Variants in PKD1 observed in about 807,000 individuals in gnomAD.
PKD1 encodes the protein polycystin-1.
In PKD1, 81 loss-of-function variants were observed where a neutral mutation model predicts 361.7. The ratio of observed to expected loss-of-function variants is 0.22; its 90% CI spans 0.19 to 0.27. The LOEUF is 0.27. PKD1 is among the 10% of genes least tolerant of loss of function. The pLI is 1.00. For synonymous variants in PKD1, 3,615 were observed against 2,818.3 expected, an observed-to-expected ratio of 1.28 and a Z score of -8.95; for missense variants, 6,399 against 6,118.3, an observed-to-expected ratio of 1.05 and a Z score of -1.53.
rs142888788 is a variant in PKD1 at position 2,103,527 on chromosome 16, C to T, written c.8530G>A (p.Val2844Ile). ...GCCATCGAGGCCACCTTGGTGGAGA[C>T]GGTGTAGTTGCTGATATAGCCAAAG... ...FPFGYISNYT[V>I]STKVASMAFQ... Residue 2844 changes from valine (V) to isoleucine (I), a missense_variant, in exon 23 of 46, where the codon GTC (valine) becomes ATC (isoleucine). Physicochemically the swap from Val to Ile is conservative, Grantham distance 29. Coordinates refer to ENST00000262304, the MANE Select transcript of PKD1 (RefSeq NM_001009944.3). 160 of 1,607,338 alleles carry T rather than the reference C, an allele frequency of 1.0e-4. No homozygotes were observed. The highest frequency in any genetic ancestry group is 2.3e-4 in the Middle Eastern group (1 of 4,430).
chr16:2,101,690 G>A (rs1320493997), intron 26 of PKD1, among the ~76,000 whole-genome samples: 3 of 152,282 alleles, frequency 2.0e-5, no homozygotes, highest in South Asian at 2.1e-4. Flanking sequence ...TGGAGGTACT[G>A]AAGAAACAGC....
Position 2,100,791 on chromosome 16 carries a change from T to C in PKD1, c.9398-225A>G. 1 of 583,844 alleles carries C rather than the reference T, an allele frequency of 1.7e-6. No homozygotes were observed. The highest frequency in any genetic ancestry group is 3.1e-6 in the Non-Finnish European group (1 of 325,252). 36.2% of individuals were successfully genotyped at this position (583,844 alleles called of 1,614,324 possible). On this transcript the variant is annotated intron_variant, in intron 26 of 45. Transcript: ENST00000262304. The surrounding 1 kb of genome is among the most constrained non-coding windows in gnomAD (Gnocchi z 4.4). ...TAAGTTACATGGAAAGAACTGTAAC[T>C]TGTGACATGCAAACATGGCTGCACA...
In PKD1 at chr16:2,106,155, A is replaced by C; in HGVS notation, c.7639T>G (p.Phe2547Val). ...AVLPPGFRPH[F>V]EVGLAVVVQD... Reference sequence around the variant, plus strand: ...ACCACCACGGCCAGGCCCACCTCGAAGTGTGGCCTGAAACCCGGGGGCAGC... The same window carrying C: ...ACCACCACGGCCAGGCCCACCTCGACGTGTGGCCTGAAACCCGGGGGCAGC... Residue 2547 changes from phenylalanine to valine, a missense_variant, in exon 19 of 46, where the codon TTC (phenylalanine) becomes GTC (valine). By Grantham distance (50) the Phe-to-Val change is conservative. Transcript: ENST00000262304. The surrounding 1 kb of genome is among the most constrained non-coding windows in gnomAD (Gnocchi z 6.5). The C allele has an allele frequency of 6.2e-7, 1 of 1,608,134 alleles. No individual in the cohort carries two copies. The highest frequency in any genetic ancestry group is 8.5e-7 in the Non-Finnish European group (1 of 1,178,626).
In PKD1 at chr16:2,109,996, G is replaced by A. The variant is rs1052812047; in HGVS notation, c.5171C>T (p.Ala1724Val). 2 of 1,609,814 alleles carry A rather than the reference G, an allele frequency of 1.2e-6. No homozygotes were observed. The highest frequency in any genetic ancestry group is 1.7e-5 in the Admixed American group (1 of 59,926). The change falls in exon 15 of 46, where the codon GCC becomes GTC. Residue 1724 changes from alanine (A) to valine (V), a missense_variant. Physicochemically the swap from Ala to Val is moderately conservative, Grantham distance 64 (BLOSUM62 0). Coordinates refer to ENST00000262304, the MANE Select transcript of PKD1 (RefSeq NM_001009944.3). ...FVEPVGWLMVAASPNPAAVNT... is the reference protein window; with the variant it reads ...FVEPVGWLMVVASPNPAAVNT... ...GACGGCAGCTGGGTTCGGGGAGGCG[G>A]CCACCATCAGCCACCCCACAGGCTC...
At chr16:2,126,119 G>A (rs568274734) in intron 1 of PKD1, among the ~76,000 whole-genome samples, 2 of 152,292 alleles carry the variant, frequency 1.3e-5, no homozygotes, top group East Asian at 3.9e-4. Flanking sequence ...TCACCCACTC[G>A]GCTGTGGGCA....
At position 2,111,130 on chromosome 16, in the gene PKD1, G is replaced by A; in HGVS notation, c.4037C>T (p.Thr1346Ile). The A allele has an allele frequency of 3.1e-6, 5 of 1,611,022 alleles. No homozygotes were observed. The highest frequency in any genetic ancestry group is 1.3e-5 in the African/African-American group (1 of 74,994). Residue 1346 changes from threonine (T) to isoleucine (I), a missense_variant, in exon 15 of 46, where the codon ACA becomes ATA. By Grantham distance (89) the Thr-to-Ile change is moderately conservative. Transcript: ENST00000262304. ...CGTGCCGCTCCGCGTGAAGTTGTGT[G>A]TCACCGTCGGGCACCCCCGCACGGT... is the stretch of plus-strand genomic sequence containing the variant. ...NTTVRGCPTV[T>I]HNFTRSGTFP...
At chr16:2,117,098 A>G in intron 6 of PKD1, 45 bp from the exon 7 acceptor site, 1 of 870,208 alleles carries the variant, frequency 1.1e-6, no homozygotes, top group Non-Finnish European at 1.8e-6. Flanking sequence ...GCACTCCTCC[A>G]TCCTCCCACC....
chr16:2,106,520 T>C lies in PKD1; in HGVS notation c.7367A>G (p.Glu2456Gly), dbSNP rs765888509. The change falls in exon 18 of 46, where the codon GAG (glutamate) becomes GGG (glycine). Residue 2456 changes from glutamate to glycine, a missense_variant. Coordinates refer to ENST00000262304, the MANE Select transcript of PKD1 (RefSeq NM_001009944.3). This position sits in a 1 kb window ranked among gnomAD's most constrained non-coding sequence, Gnocchi z 6.5. The part of the protein sequence containing the change: ...FTLTVLGRSG[E>G]EEGCASIRLS... ...GCGGATGGAGGCGCAGCCCTCCTCC[T>C]CGCCAGAGCGGCCCAGCACCGTGAG... 1.8e-5 allele frequency: 28 copies of C among 1,595,712 alleles called. No individual in the cohort carries two copies. In the East Asian group the frequency reaches 5.1e-4, roughly 29 times the overall value.
In PKD1 at chr16:2,103,525, G is replaced by A. The variant is rs771793824; in HGVS notation, c.8532C>T (p.Val2844=). 8.1e-6 allele frequency: 13 copies of A among 1,607,146 alleles called. No individual in the cohort carries two copies. The highest frequency in any genetic ancestry group is 2.2e-4 in the Middle Eastern group (1 of 4,452). The stretch of plus-strand genomic sequence containing the variant: ...ATGCCATCGAGGCCACCTTGGTGGA[G>A]ACGGTGTAGTTGCTGATATAGCCAA... ...FPFGYISNYT[V]STKVASMAFQ... Residue 2844 remains valine, a synonymous_variant, in exon 23 of 46, where the codon GTC becomes GTT. Transcript: ENST00000262304.
At chr16:2,131,750 G>C (rs1277344555) in intron 1 of PKD1, 3 of 151,374 alleles carry the variant, frequency 2.0e-5, no homozygotes, top group Admixed American at 1.3e-4. Context: ...TTGAACCCGG[G>C]AGATGGAGGC....
rs1339698223 is a variant in PKD1, at chr16:2,091,893, C to T, written c.11425G>A (p.Gly3809Ser). The T allele has an allele frequency of 6.2e-7, 1 of 1,611,450 alleles. No individual in the cohort carries two copies. Among genetic ancestry groups the T allele is most frequent in the African/African-American group, 1.3e-5 (1 of 74,898 alleles). Residue 3809 changes from glycine to serine, a missense_variant, in exon 41 of 46, where the codon GGC becomes AGC. Coordinates refer to ENST00000262304, the MANE Select transcript of PKD1 (RefSeq NM_001009944.3). ...CCGCTGTCATACACGGCACAGGAGC[C>T]CCAGGACCATGCCCTGCCGGAGAGG... ...APDLLGAWSW[G>S]SCAVYDSGGY...
chr16:2,106,458 G>A lies in PKD1; in HGVS notation c.7429C>T (p.Arg2477Cys), dbSNP rs376283361. Residue 2477 changes from arginine to cysteine, a missense_variant, in exon 18 of 46, where the codon CGC becomes TGC. Arg to Cys is a radical substitution (Grantham distance 180, BLOSUM62 -3). Transcript: ENST00000262304. The surrounding 1 kb of genome is among the most constrained non-coding windows in gnomAD (Gnocchi z 6.5). ...PNRPPLGGSC[R>C]LFPLGAVHAL... ...TGCACAGCGCCCAGTGGGAAGAGGCGGCAAGAGCCCCCCAGCGGCGGGCGG... is the reference window on the plus strand; with the variant it reads ...TGCACAGCGCCCAGTGGGAAGAGGCAGCAAGAGCCCCCCAGCGGCGGGCGG... The A allele has an allele frequency of 7.7e-4, 1,222 of 1,590,394 alleles. 3 individuals carry two copies. Among genetic ancestry groups the A allele is most frequent in the Middle Eastern group, 3.4e-3 (15 of 4,420 alleles).
Position 2,090,140 on chromosome 16 carries a change from T to C in PKD1, c.12499A>G (p.Arg4167Gly). 4.4e-6 allele frequency: 7 copies of C among 1,596,370 alleles called. No individual in the cohort carries two copies. The highest frequency in any genetic ancestry group is 5.1e-6 in the Non-Finnish European group (6 of 1,170,460). The change falls in exon 46 of 46, where the codon AGG becomes GGG. Residue 4167 changes from arginine to glycine, a missense_variant. Transcript: ENST00000262304. Reference protein sequence around the residue: ...GMEPLPSRSSRGSKVSPDVPP... With the variant: ...GMEPLPSRSSGGSKVSPDVPP... ...ACATCCGGGGATACCTTGGAGCCCC[T>C]GGAGGAGCGAGAGGGCAGCGGCTCC... is the stretch of plus-strand genomic sequence containing the variant.
chr16:2,090,985 G>T lies in PKD1; in HGVS notation c.11902C>A (p.Arg3968Ser). The T allele has an allele frequency of 6.5e-7, 1 of 1,536,232 alleles. No homozygotes were observed. Among genetic ancestry groups the T allele is most frequent in the Non-Finnish European group, 8.7e-7 (1 of 1,146,954 alleles). The change falls in exon 43 of 46, where the codon CGC (arginine) becomes AGC (serine). Residue 3968 changes from arginine (R) to serine (S), a missense_variant. Physicochemically the swap from Arg to Ser is moderately radical, Grantham distance 110. Coordinates refer to ENST00000262304, the MANE Select transcript of PKD1 (RefSeq NM_001009944.3). The stretch of plus-strand genomic sequence containing the variant: ...CTAGTGAAGCGGCGCGGGCGGCCGC[G>T]CACGAAACGGGTCCACTGGCGGTCA... ...AADRQWTRFV[R>S]GRPRRFTSFD... is the part of the protein sequence containing the mutation.
Position 2,090,876 on chromosome 16 carries a change from G to A in PKD1, c.12003+8C>T, listed in dbSNP as rs1280113118. Reference sequence around the variant, plus strand: ...GCCCAGCCCCGCGCCCACCGGCCCAGCCCTCACCTTGACCAAAAGCAGGAA... The same window carrying A: ...GCCCAGCCCCGCGCCCACCGGCCCAACCCTCACCTTGACCAAAAGCAGGAA... On this transcript the variant is annotated splice_region_variant and intron_variant, in intron 43 of 45. Coordinates refer to ENST00000262304, the MANE Select transcript of PKD1 (RefSeq NM_001009944.3). 14 of 1,605,194 alleles carry A rather than the reference G, an allele frequency of 8.7e-6. No homozygotes were observed. Among genetic ancestry groups the A allele is most frequent in the African/African-American group, 6.7e-5 (5 of 74,924 alleles).
At chr16:2,121,005 G>A (rs2092711550) in intron 1 of PKD1, among the ~76,000 whole-genome samples, 1 of 150,706 alleles carries the variant, frequency 6.6e-6, no homozygotes, top group Non-Finnish European at 1.5e-5. Flanking sequence ...GACAGAGCGA[G>A]ACTCCATCTC....
intron 9 of PKD1, 90 bp downstream of exon 9, chr16:2,115,902 G>A (rs2092625567): frequency 7.1e-7 from 1 of 1,416,582 alleles, no homozygotes. Context: ...CCACTCTGGT[G>A]GCCACAGGAC....
chr16:2,093,180 G>A (rs1227639563), intron 37 of PKD1, 87 bp from the exon 38 acceptor site: 4 of 1,511,534 alleles, frequency 2.6e-6, no homozygotes, highest in Non-Finnish European at 3.7e-6. Flanking sequence ...CATGGCTGCG[G>A]CAGGTGTGGC....
chr16:2,106,692 G>A lies in PKD1; in HGVS notation c.7210-15C>T, dbSNP rs1180919709. On this transcript the variant is annotated splice_polypyrimidine_tract_variant and intron_variant, in intron 17 of 45. Transcript: ENST00000262304. The surrounding 1 kb of genome is among the most constrained non-coding windows in gnomAD (Gnocchi z 6.5). The stretch of plus-strand genomic sequence containing the variant: ...GCAGCCCACCGCTGCAGGCAGAAGG[G>A]GTGGTGAGGGGGCGCAACCCTCTGC... 2.5e-6 allele frequency: 4 copies of A among 1,589,934 alleles called. No homozygotes were observed. Among genetic ancestry groups the A allele is most frequent in the South Asian group, 1.1e-5 (1 of 90,390 alleles).
Sources: allele counts gnomAD v4.1 joint callset (sites outside exome capture counted in the v4.1 genomes callset), GRCh38; gene constraint gnomAD v4.1.1; non-coding constraint Gnocchi (gnomAD v3.1); transcripts MANE v1.5; gene names NCBI Gene and HGNC (gene_info 2026-07-23, HGNC 2026-07-21).